Variants in PDE8A observed in about 807,000 individuals in gnomAD.
PDE8A encodes high affinity cAMP-specific and IBMX-insensitive 3',5'-cyclic phosphodiesterase 8A.
PDE8A carries 59 observed loss-of-function variants against 105.0 expected under a neutral mutation model. The observed-to-expected ratio is 0.56, with a 90% CI of 0.46 to 0.70. PDE8A has a LOEUF of 0.70. Among genes scored for constraint, PDE8A ranks in the 30% least tolerant of loss-of-function variants. PDE8A has a pLI of 0.00. For missense variants in PDE8A, 1,014 were observed against 1,045.9 expected, an observed-to-expected ratio of 0.97 and a Z score of 0.42; for synonymous variants, 355 against 371.9, an observed-to-expected ratio of 0.95 and a Z score of 0.52.
At position 85,127,051 on chromosome 15, in the gene PDE8A, C is replaced by G. The variant is rs559720831; in HGVS notation, c.2253+677C>G. Among the ~76,000 whole-genome samples, 11 of 152,164 alleles carry G rather than the reference C, an allele frequency of 7.2e-5. No homozygotes were observed. In the South Asian group the frequency reaches 2.3e-3, roughly 32 times the overall value. ...TCTCTACAAAAAAATTAAAAGTTAGCCGGGCATAGTGATGCACTCCTGTAG... is the reference window on the plus strand; with the variant it reads ...TCTCTACAAAAAAATTAAAAGTTAGGCGGGCATAGTGATGCACTCCTGTAG... On this transcript the variant is annotated intron_variant, in intron 20 of 21. Transcript: ENST00000394553.
At chr15:84,982,975 G>A (rs1274977414) in intron 1 of PDE8A, among the ~76,000 whole-genome samples, 1 of 152,206 alleles carries the variant, frequency 6.6e-6, no homozygotes, top group East Asian at 1.9e-4. Flanking sequence ...CGCGATTTTT[G>A]AAGCATTCAG....
intron 1 of PDE8A, among the ~76,000 whole-genome samples, chr15:84,989,706 G>A (rs982066511): frequency 1.3e-5 from 2 of 152,184 alleles, no homozygotes; most frequent in Non-Finnish European, 1.5e-5. Flanking sequence ...AAAGTGTTTT[G>A]TAAACTCCAA....
intron 1 of PDE8A, among the ~76,000 whole-genome samples, chr15:85,020,746 T>A (rs1261092286): frequency 6.6e-6 from 1 of 152,232 alleles, no homozygotes; most frequent in African/African-American, 2.4e-5. Context: ...CATGGGCTTC[T>A]ATTTATTGCC....
intron 1 of PDE8A, among the ~76,000 whole-genome samples, chr15:85,015,244 C>T (rs1414777925): frequency 6.7e-6 from 1 of 149,638 alleles, no homozygotes; most frequent in Non-Finnish European, 1.5e-5. Flanking sequence ...GTGCATAAGT[C>T]TTTTTTTTTT....
At chr15:85,053,787 T>C (rs2081014275) in intron 1 of PDE8A, among the ~76,000 whole-genome samples, 1 of 152,242 alleles carries the variant, frequency 6.6e-6, no homozygotes, top group Non-Finnish European at 1.5e-5. Context: ...ACTTCCTCTT[T>C]TCCTAATTGA....
intron 1 of PDE8A, among the ~76,000 whole-genome samples, chr15:85,040,601 T>C (rs1365305911): frequency 6.7e-6 from 1 of 148,982 alleles, no homozygotes; most frequent in Non-Finnish European, 1.5e-5. Context: ...GGGTCTGTCG[T>C]CCAGGCAGGA....
At position 85,117,694 on chromosome 15, in the gene PDE8A, T is replaced by G; in HGVS notation, c.1589T>G (p.Phe530Cys). The change falls in exon 17 of 22, where the codon TTC (phenylalanine) becomes TGC (cysteine). Residue 530 changes from phenylalanine (F) to cysteine (C), a missense_variant. By Grantham distance (205) the Phe-to-Cys change is radical. Coordinates refer to ENST00000394553, the MANE Select transcript of PDE8A (RefSeq NM_002605.3). ...TTTGCTCGCTTTGGAATCTGTGAAT[T>G]CTTACACTGCTCCGAGTCAACGCTA... The part of the protein sequence containing the change: ...KMFARFGICE[F>C]LHCSESTLRS... 1 of 1,614,182 alleles carries G rather than the reference T, an allele frequency of 6.2e-7. No individual in the cohort carries two copies.
chr15:85,025,538 C>G (rs991632340), intron 1 of PDE8A, among the ~76,000 whole-genome samples: 6 of 152,126 alleles, frequency 3.9e-5, no homozygotes, highest in African/African-American at 1.4e-4. Context: ...TTCTCTGGGC[C>G]CAGGCCTGCT....
intron 1 of PDE8A, among the ~76,000 whole-genome samples, chr15:85,020,916 T>G (rs1337828870): frequency 1.3e-5 from 2 of 152,182 alleles, no homozygotes; most frequent in Non-Finnish European, 2.9e-5. Context: ...GTTACAGTAT[T>G]GTTAGTACCA....
In PDE8A at chr15:85,113,566, G is replaced by A. The variant is rs1020432367; in HGVS notation, c.1185+119G>A. The A allele has an allele frequency of 6.9e-6, 6 of 874,518 alleles. No homozygotes were observed. The African/African-American group carries it at 8.2e-5, about 12-fold the overall frequency. 54.2% of individuals were successfully genotyped at this position (874,518 alleles called of 1,614,324 possible). Reference sequence around the variant, plus strand: ...AATGAGCATGCTGTCATAGTTGTGTGGTGCTAGTAGCCTCCTCTGAAGAGA... The same window carrying A: ...AATGAGCATGCTGTCATAGTTGTGTAGTGCTAGTAGCCTCCTCTGAAGAGA... On this transcript the variant is annotated intron_variant, in intron 13 of 21. Coordinates refer to ENST00000394553, the MANE Select transcript of PDE8A (RefSeq NM_002605.3).
chr15:85,003,256 G>A (rs1318810722), intron 1 of PDE8A, among the ~76,000 whole-genome samples: 1 of 152,126 alleles, frequency 6.6e-6, no homozygotes, highest in African/African-American at 2.4e-5. Flanking sequence ...TGCCATCTTT[G>A]TTTCCTTGGG....
intron 1 of PDE8A, among the ~76,000 whole-genome samples, chr15:85,040,773 A>G (rs960791897): frequency 4.6e-5 from 7 of 151,696 alleles, no homozygotes; most frequent in African/African-American, 1.2e-4. Context: ...GTTAGCCAGG[A>G]TGGTCTCGAT....
chr15:84,996,740 C>T (rs901543095), intron 1 of PDE8A, among the ~76,000 whole-genome samples: 2 of 138,500 alleles, frequency 1.4e-5, no homozygotes, highest in East Asian at 2.2e-4. Context: ...GCAGGAAAGT[C>T]GCTTGAACCC....
chr15:85,016,059 C>T (rs928256281), intron 1 of PDE8A, among the ~76,000 whole-genome samples: 8 of 152,132 alleles, frequency 5.3e-5, no homozygotes, highest in African/African-American at 1.9e-4. Context: ...TCACTTGAAC[C>T]CGGGAAGTGG....
intron 1 of PDE8A, among the ~76,000 whole-genome samples, chr15:85,057,008 C>A (rs1026944387): frequency 5.3e-5 from 8 of 152,134 alleles, no homozygotes; most frequent in Non-Finnish European, 1.0e-4. Context: ...TGTGGATGTC[C>A]TTTCTGTTTG....
At chr15:85,043,791 G>A (rs928168844) in intron 1 of PDE8A, among the ~76,000 whole-genome samples, 5 of 151,910 alleles carry the variant, frequency 3.3e-5, no homozygotes, top group African/African-American at 1.2e-4. Context: ...TCTGCCTCCC[G>A]GGTTCAGGTG....
At position 85,037,065 on chromosome 15, in the gene PDE8A, A is replaced by ATT. The variant is rs756347084; in HGVS notation, c.187-27290_187-27289dup. On this transcript the variant is annotated intron_variant, in intron 1 of 21. Coordinates refer to ENST00000394553, the MANE Select transcript of PDE8A (RefSeq NM_002605.3). The stretch of plus-strand genomic sequence containing the variant: ...GCAGTGCTCTTAAGATACTGGACTA[A>ATT]TTTTTTTTTTTTTTTTGGAGACGGA... Among the ~76,000 whole-genome samples the ATT allele has an allele frequency of 3.3e-3, 470 of 141,480 alleles. 5 individuals carry two copies. Among genetic ancestry groups the ATT allele is most frequent in the African/African-American group, 0.012 (444 of 38,510 alleles). The allele number at this position is 141,480 out of a possible 152,430, so 92.8% of individuals were successfully genotyped here. A position where few individuals can be genotyped will look rare whatever the true frequency, so the allele number is the denominator to read the frequency against.
intron 1 of PDE8A, among the ~76,000 whole-genome samples, chr15:85,052,974 T>C (rs2081000624): frequency 6.6e-6 from 1 of 152,252 alleles, no homozygotes; most frequent in African/African-American, 2.4e-5. Flanking sequence ...CATTTAAGTC[T>C]TTAATCCATC....
intron 18 of PDE8A, among the ~76,000 whole-genome samples, chr15:85,122,534 TC>T (rs772851445): frequency 6.6e-6 from 1 of 152,240 alleles, no homozygotes; most frequent in Non-Finnish European, 1.5e-5. Context: ...GAGAAAGTTT[TC>T]TACTCAACTG....
Sources: allele counts gnomAD v4.1 joint callset (sites outside exome capture counted in the v4.1 genomes callset), GRCh38; gene constraint gnomAD v4.1.1; transcripts MANE v1.5; gene names NCBI Gene and HGNC (gene_info 2026-07-23, HGNC 2026-07-21).